The following LCLAT1 variants were observed in gnomAD, a reference collection of about 807,000 sequenced individuals.
LCLAT1 encodes lysocardiolipin acyltransferase 1, also known as 1-AGP acyltransferase 8.
Under a neutral mutation model 30.7 loss-of-function variants are expected in LCLAT1, and 11 were observed. The observed-to-expected ratio is 0.36, with a 90% CI of 0.23 to 0.59. The LOEUF (loss-of-function observed/expected upper bound fraction) is 0.59. Among genes scored for constraint, LCLAT1 ranks in the 20% least tolerant of loss-of-function variants. The probability of loss-of-function intolerance (pLI) is 0.77; values close to 1 mark genes in which losing one functional copy is unlikely to be tolerated. For synonymous variants in LCLAT1, 155 were observed against 151.3 expected, an observed-to-expected ratio of 1.02 and a Z score of -0.18; for missense variants, 402 against 458.6, an observed-to-expected ratio of 0.88 and a Z score of 1.13.
At chr2:30,477,663 C>T (rs1683116518) in intron 1 of LCLAT1, among the ~76,000 whole-genome samples, 1 of 152,086 alleles carries the variant, frequency 6.6e-6, no homozygotes, top group African/African-American at 2.4e-5. Context: ...CTTTATCTTT[C>T]CATTTAGGCT....
chr2:30,564,295 A>C (rs1665377274), intron 4 of LCLAT1, among the ~76,000 whole-genome samples: 2 of 152,170 alleles, frequency 1.3e-5, no homozygotes, highest in South Asian at 4.1e-4. Flanking sequence ...ATGTACACCA[A>C]AGAATGCCAA....
chr2:30,509,907 A>T (rs1464391830), intron 1 of LCLAT1, among the ~76,000 whole-genome samples: 1 of 152,186 alleles, frequency 6.6e-6, no homozygotes, highest in Admixed American at 6.5e-5. Flanking sequence ...TCATCAGCTG[A>T]TGTGGAAGCC....
At chr2:30,451,538 G>A (rs1045027111) in intron 1 of LCLAT1, among the ~76,000 whole-genome samples, 8 of 149,630 alleles carry the variant, frequency 5.3e-5, no homozygotes, top group South Asian at 2.2e-4. Flanking sequence ...ATTGTGATAT[G>A]TTTATAAGAT....
chr2:30,633,447 G>A (rs1318320074), intron 5 of LCLAT1, among the ~76,000 whole-genome samples: 1 of 152,152 alleles, frequency 6.6e-6, no homozygotes, highest in Non-Finnish European at 1.5e-5. Context: ...TCAGCACTTT[G>A]GGAGGCCGAG....
intron 2 of LCLAT1, among the ~76,000 whole-genome samples, chr2:30,527,591 A>T (rs912568938): frequency 6.6e-6 from 1 of 152,138 alleles, no homozygotes; most frequent in African/African-American, 2.4e-5. Flanking sequence ...GCAGACAGAT[A>T]TTTGGTTTCA....
intron 3 of LCLAT1, among the ~76,000 whole-genome samples, chr2:30,549,621 T>C (rs987181735): frequency 6.6e-6 from 1 of 152,192 alleles, no homozygotes; most frequent in Non-Finnish European, 1.5e-5. Context: ...AGAAAAGATA[T>C]GCAAGATGAA....
intron 1 of LCLAT1, among the ~76,000 whole-genome samples, chr2:30,491,269 A>C (rs76314030): frequency 6.6e-6 from 1 of 152,370 alleles, no homozygotes; most frequent in East Asian, 1.9e-4. Context: ...GAAACAATAG[A>C]TACATTAGTG....
chr2:30,565,702 G>A (rs912522193), intron 4 of LCLAT1, among the ~76,000 whole-genome samples: 1 of 152,054 alleles, frequency 6.6e-6, no homozygotes, highest in Non-Finnish European at 1.5e-5. Flanking sequence ...GTTCTGTGAG[G>A]AAAGACAGAT....
At chr2:30,561,810 T>C (rs989760975) in intron 3 of LCLAT1, among the ~76,000 whole-genome samples, 2 of 152,208 alleles carry the variant, frequency 1.3e-5, no homozygotes, top group African/African-American at 4.8e-5. Flanking sequence ...TTGGTTAAAA[T>C]ATCTGTTTAG....
At chr2:30,531,538 T>C (rs1685986017) in intron 2 of LCLAT1, among the ~76,000 whole-genome samples, 1 of 152,182 alleles carries the variant, frequency 6.6e-6, no homozygotes, top group Admixed American at 6.5e-5. Context: ...TTGGAGGCCA[T>C]CGTTCTAGGA....
In LCLAT1 at chr2:30,596,726, GT is replaced by G. The variant is rs1462067284; in HGVS notation, c.628+28551del. On this transcript the variant is annotated intron_variant, in intron 5 of 5. Transcript: ENST00000379509. ...TCATGAAATCTTTGCCCATGCTTAT[GT>G]CCTGAATGGTATTGCCTAGATTTTT... Among the ~76,000 whole-genome samples, 4 of 148,434 alleles carry G rather than the reference GT, an allele frequency of 2.7e-5. No individual in the cohort carries two copies. The East Asian group carries it at 7.9e-4, about 29-fold the overall frequency.
In LCLAT1 at chr2:30,539,937, A is replaced by G. The variant is rs150121989; in HGVS notation, c.364+6623A>G. Among the ~76,000 whole-genome samples the G allele has an allele frequency of 6.1e-4, 93 of 152,370 alleles. 1 individual carries two copies. The East Asian group carries it at 0.016, about 27-fold the overall frequency. On this transcript the variant is annotated intron_variant, in intron 3 of 5. Transcript: ENST00000379509. ...AGATACTATGGGGTGGCAATAAATT[A>G]TGAAACCTGGTCTGTTTAGTTCTAG...
chr2:30,623,017 C>A lies in LCLAT1; in HGVS notation c.629-17100C>A, dbSNP rs117016120. Among the ~76,000 whole-genome samples the A allele has an allele frequency of 6.5e-4, 99 of 151,626 alleles. 1 individual carries two copies. The East Asian group carries it at 0.012, about 19-fold the overall frequency. On this transcript the variant is annotated intron_variant, in intron 5 of 5. Coordinates refer to ENST00000379509, the MANE Select transcript of LCLAT1 (RefSeq NM_001002257.3). ...GACTATTAAGCTATTCAAGGAGGCACCAGAGAAAGGTGAATACCAATTCAA... is the reference window on the plus strand; with the variant it reads ...GACTATTAAGCTATTCAAGGAGGCAACAGAGAAAGGTGAATACCAATTCAA...
rs374361775 is a variant in LCLAT1, at chr2:30,551,248, C to G, written c.365-10898C>G. Among the ~76,000 whole-genome samples, 45 of 152,334 alleles carry G rather than the reference C, an allele frequency of 3.0e-4. No individual in the cohort carries two copies. In the East Asian group the frequency reaches 6.8e-3, roughly 23 times the overall value. ...TCTTGAACTCCTGGGCTCACGCCAA[C>G]CTCCTGCCTTGGCTTCCCAAAGTGC... On this transcript the variant is annotated intron_variant, in intron 3 of 5. Coordinates refer to ENST00000379509, the MANE Select transcript of LCLAT1 (RefSeq NM_001002257.3).
At chr2:30,592,071 C>T (rs1473013943) in intron 5 of LCLAT1, among the ~76,000 whole-genome samples, 1 of 152,142 alleles carries the variant, frequency 6.6e-6, no homozygotes, top group Non-Finnish European at 1.5e-5. Flanking sequence ...GGACTTGGTA[C>T]TTACTAAGCA....
In LCLAT1 at chr2:30,615,979, G is replaced by A. The variant is rs537060310; in HGVS notation, c.629-24138G>A. Among the ~76,000 whole-genome samples the A allele has an allele frequency of 3.9e-4, 60 of 152,270 alleles. 2 individuals are homozygous for A. Among genetic ancestry groups the A allele is most frequent in the South Asian group, 2.7e-3 (13 of 4,824 alleles). ...AGACCCTTCCCTACCTTGGAAATGGGTAGAGGGCACTAGACAGAGGGAGAG... is the reference window on the plus strand; with the variant it reads ...AGACCCTTCCCTACCTTGGAAATGGATAGAGGGCACTAGACAGAGGGAGAG... On this transcript the variant is annotated intron_variant, in intron 5 of 5. Coordinates refer to ENST00000379509, the MANE Select transcript of LCLAT1 (RefSeq NM_001002257.3).
intron 1 of LCLAT1, among the ~76,000 whole-genome samples, chr2:30,465,550 A>G (rs1004552121): frequency 6.6e-6 from 1 of 152,216 alleles, no homozygotes; most frequent in Non-Finnish European, 1.5e-5. Flanking sequence ...TTAAAACAAG[A>G]AAGATTCATT....
chr2:30,615,055 G>C (rs1487351109), intron 5 of LCLAT1, among the ~76,000 whole-genome samples: 1 of 152,174 alleles, frequency 6.6e-6, no homozygotes, highest in Non-Finnish European at 1.5e-5. Flanking sequence ...AAGACAGTGA[G>C]TATAGACAGC....
chr2:30,609,010 GGTATATTTTAA>G (rs1213569834), intron 5 of LCLAT1, among the ~76,000 whole-genome samples: 5 of 152,092 alleles, frequency 3.3e-5, no homozygotes, highest in Non-Finnish European at 7.3e-5. Flanking sequence ...CAGTCAAATA[GGTATATTTTAA>G]TTTGGTTTTG....
Sources: allele counts gnomAD v4.1 joint callset (sites outside exome capture counted in the v4.1 genomes callset), GRCh38; gene constraint gnomAD v4.1.1; transcripts MANE v1.5; gene names NCBI Gene and HGNC (gene_info 2026-07-23, HGNC 2026-07-21).